SFXN5: variants seen among roughly 807,000 people sequenced by gnomAD.
SFXN5 encodes the protein sideroflexin 5.
A neutral mutation model predicts 50.2 loss-of-function variants in SFXN5; 43 were observed. That is an observed-to-expected ratio of 0.86 (90% CI 0.67 to 1.11). SFXN5 has a LOEUF of 1.11. Among genes scored for constraint, SFXN5 ranks in the 50% least tolerant of loss-of-function variants. SFXN5 has a pLI of 0.00. For missense variants in SFXN5, 463 were observed against 454.1 expected (o/e 1.02, Z -0.18); for synonymous variants, 203 against 185.8 (o/e 1.09, Z -0.75).
At chr2:73,033,545 T>G (rs992090166) in intron 3 of SFXN5, among the ~76,000 whole-genome samples, 1 of 151,856 alleles carries the variant, frequency 6.6e-6, no homozygotes, top group African/African-American at 2.4e-5. Context: ...AGAGAATGAG[T>G]CATGCAGCTA....
intron 3 of SFXN5, among the ~76,000 whole-genome samples, chr2:73,031,104 A>G (rs1161337317): frequency 1.3e-5 from 2 of 152,382 alleles, no homozygotes; most frequent in Non-Finnish European, 1.5e-5. Flanking sequence ...CAAACTGTCC[A>G]ATAAAATCCA....
intron 13 of SFXN5, among the ~76,000 whole-genome samples, chr2:72,954,261 C>CA (rs1672837961): frequency 6.6e-6 from 1 of 152,116 alleles, no homozygotes; most frequent in African/African-American, 2.4e-5. Flanking sequence ...CCAGGGCTGA[C>CA]ATGGGAGGCT....
chr2:72,951,424 G>A (rs937799371), intron 13 of SFXN5, among the ~76,000 whole-genome samples: 4 of 152,156 alleles, frequency 2.6e-5, no homozygotes, highest in East Asian at 1.9e-4. Context: ...GTGTGGGAAG[G>A]GTTAACCTTG....
At chr2:73,036,545 G>A (rs1679007818) in intron 3 of SFXN5, among the ~76,000 whole-genome samples, 1 of 152,168 alleles carries the variant, frequency 6.6e-6, no homozygotes, top group Non-Finnish European at 1.5e-5. Flanking sequence ...AGGCACATGG[G>A]GGCTTTCAGG....
At chr2:73,066,466 G>C (rs1386714981) in intron 1 of SFXN5, among the ~76,000 whole-genome samples, 1 of 151,980 alleles carries the variant, frequency 6.6e-6, no homozygotes, top group African/African-American at 2.4e-5. Flanking sequence ...GCTAAGGCAG[G>C]AGAATCACTT....
chr2:73,052,823 C>G (rs1340420036), intron 2 of SFXN5, among the ~76,000 whole-genome samples: 1 of 152,134 alleles, frequency 6.6e-6, no homozygotes, highest in Non-Finnish European at 1.5e-5. Flanking sequence ...TGGTAGTTTC[C>G]TTCATTGAAA....
chr2:72,972,048 CT>C (rs1214457144), intron 10 of SFXN5, among the ~76,000 whole-genome samples: 1 of 152,238 alleles, frequency 6.6e-6, no homozygotes, highest in Non-Finnish European at 1.5e-5. Context: ...CGCATCCCCC[CT>C]GACCCCGAGG....
rs373714252 is a variant in SFXN5, at chr2:72,961,104, C to T, written c.945+27G>A. 292 of 1,481,110 alleles carry T rather than the reference C, an allele frequency of 2.0e-4. No individual in the cohort carries two copies. Among genetic ancestry groups the T allele is most frequent in the Non-Finnish European group, 2.5e-4 (272 of 1,096,462 alleles). The allele number at this position is 1,481,110 out of a possible 1,614,324, so 91.7% of individuals were successfully genotyped here. On this transcript the variant is annotated intron_variant, in intron 13 of 13. Coordinates refer to ENST00000272433, the MANE Select transcript of SFXN5 (RefSeq NM_144579.3). The surrounding 1 kb of genome is among the most constrained non-coding windows in gnomAD (Gnocchi z 4.4). ...CACCAAACAGCACCCCCTGCCCTGC[C>T]CTGCCCTTGAGCCCCTCCCCACTGA...
intron 1 of SFXN5, chr2:73,070,534 C>G (rs1259022889): frequency 6.6e-6 from 1 of 152,374 alleles, no homozygotes; most frequent in East Asian, 1.9e-4. Context: ...TGGCAAGCCC[C>G]GGTTCACTTC....
Position 73,039,459 on chromosome 2 carries a change from G to A in SFXN5, c.249+1395C>T, listed in dbSNP as rs1679343098. ...CAACCAGTCTGACTATGCAGTAAAT[G>A]TTATTTCTATAATTGTAACGACATG... On this transcript the variant is annotated intron_variant, in intron 3 of 13. Transcript: ENST00000272433. Among the ~76,000 whole-genome samples the A allele has an allele frequency of 1.3e-5, 2 of 152,178 alleles. 1 individual carries two copies. Among genetic ancestry groups the A allele is most frequent in the South Asian group, 4.1e-4 (2 of 4,830 alleles).
At chr2:73,035,690 G>C (rs1330496466) in intron 3 of SFXN5, among the ~76,000 whole-genome samples, 1 of 151,772 alleles carries the variant, frequency 6.6e-6, no homozygotes, top group African/African-American at 2.4e-5. Flanking sequence ...GGTAGAGATG[G>C]GGTTTCACCA....
intron 13 of SFXN5, among the ~76,000 whole-genome samples, chr2:72,956,078 G>A (rs1255888918): frequency 6.6e-6 from 1 of 152,238 alleles, no homozygotes. Context: ...AAATGGGAAA[G>A]TGCCCAGGCT....
chr2:72,984,717 A>C (rs951551729), intron 10 of SFXN5, among the ~76,000 whole-genome samples: 3 of 152,184 alleles, frequency 2.0e-5, no homozygotes, highest in Non-Finnish European at 2.9e-5. Flanking sequence ...AACCTCAAGG[A>C]GGCCTGCAGT....
rs984322148 is a variant in SFXN5, at chr2:72,945,226, C to G, written c.946-127G>C. On this transcript the variant is annotated intron_variant, in intron 13 of 13. Transcript: ENST00000272433. This position sits in a 1 kb window ranked among gnomAD's most constrained non-coding sequence, Gnocchi z 5.8. ...CCCTGCACCCCCGTGTCCACCCCAG[C>G]CAGGGCTCACATGCCCTACCTAGTG... 1 of 809,760 alleles carries G rather than the reference C, an allele frequency of 1.2e-6. No homozygotes were observed. Among genetic ancestry groups the G allele is most frequent in the Non-Finnish European group, 2.0e-6 (1 of 491,006 alleles). The allele number at this position is 809,760 out of a possible 1,614,324, so 50.2% of individuals were successfully genotyped here.
At chr2:72,996,507 GT>G (rs11447075) in intron 9 of SFXN5, 183 of 125,404 alleles carry the variant, frequency 1.5e-3, no homozygotes, top group African/African-American at 4.8e-3. Context: ...GCTGAGTTTT[GT>G]TTTTTTTTTT....
At chr2:73,071,453 G>A (rs1190670116) in intron 1 of SFXN5, 151 bp downstream of exon 1, 1 of 672,904 alleles carries the variant, frequency 1.5e-6, no homozygotes, top group South Asian at 1.9e-5. Context: ...TGGGAAAAGG[G>A]TGACTGTGAC....
chr2:72,984,981 T>C (rs1341804014), intron 10 of SFXN5, among the ~76,000 whole-genome samples: 1 of 151,902 alleles, frequency 6.6e-6, no homozygotes, highest in African/African-American at 2.4e-5. Flanking sequence ...AGAGCTTGAG[T>C]TCCCAACCTG....
At chr2:72,984,767 G>A (rs139171003) in intron 10 of SFXN5, among the ~76,000 whole-genome samples, 113 of 152,262 alleles carry the variant, frequency 7.4e-4, no homozygotes, top group African/African-American at 2.4e-3. Context: ...GGAGGGTCTC[G>A]TCAGAGGCCT....
chr2:73,033,129 C>G (rs1678531208), intron 3 of SFXN5, among the ~76,000 whole-genome samples: 2 of 152,182 alleles, frequency 1.3e-5, no homozygotes, highest in South Asian at 2.1e-4. Context: ...TCTGAGCCTC[C>G]TCTTCCTCAT....
Sources: allele counts gnomAD v4.1 joint callset (sites outside exome capture counted in the v4.1 genomes callset), GRCh38; gene constraint gnomAD v4.1.1; non-coding constraint Gnocchi (gnomAD v3.1); transcripts MANE v1.5; gene names NCBI Gene and HGNC (gene_info 2026-07-23, HGNC 2026-07-21).